GPC3: variants seen among roughly 807,000 people sequenced by gnomAD.
GPC3 encodes glypican 3.
A neutral mutation model predicts 34.4 loss-of-function variants in GPC3; 3 were observed. The observed-to-expected ratio is 0.09, with a 90% CI of 0.04 to 0.23. The LOEUF is 0.23. GPC3 is among the 10% of genes least tolerant of loss of function. The pLI is 1.00. For missense variants in GPC3, 351 were observed against 445.6 expected, an observed-to-expected ratio of 0.79 and a Z score of 1.91; for synonymous variants, 177 against 174.0, an observed-to-expected ratio of 1.02 and a Z score of -0.13.
At chrX:133,895,557 C>T (rs766367915) in intron 2 of GPC3, among the ~76,000 whole-genome samples, 1 of 111,320 alleles carries the variant, frequency 9.0e-6, no homozygotes, top group Non-Finnish European at 1.9e-5. Context: ...GGTAGCAGGG[C>T]CCTGATGACA....
In GPC3 at chrX:133,621,928, G is replaced by A. The variant is rs1030547101; in HGVS notation, c.1414-25329C>T. ...GAAGGGGCCAACTGACACCACGTAC[G>A]GCCAGGTGCCCCTCTGAGATGAAGC... On this transcript the variant is annotated intron_variant, in intron 6 of 7. Transcript: ENST00000370818. 5.4e-5 allele frequency among the ~76,000 whole-genome samples: 6 copies of A among 111,953 alleles called. No individual in the cohort carries two copies. The South Asian group carries it at 1.5e-3, about 28-fold the overall frequency.
intron 2 of GPC3, among the ~76,000 whole-genome samples, chrX:133,866,057 A>G (rs1158250575): frequency 8.9e-6 from 1 of 112,058 alleles, no homozygotes; most frequent in African/African-American, 3.3e-5. Flanking sequence ...TTCCAGACAC[A>G]ATCATCTGAA....
intron 1 of GPC3, among the ~76,000 whole-genome samples, chrX:133,963,999 C>T (rs1186133328): frequency 9.0e-6 from 1 of 110,805 alleles, no homozygotes; most frequent in Non-Finnish European, 1.9e-5. Flanking sequence ...CTGGTGACCC[C>T]CAGGGTTCCT....
At chrX:133,618,468 T>C (rs1300921566) in intron 6 of GPC3, among the ~76,000 whole-genome samples, 1 of 111,350 alleles carries the variant, frequency 9.0e-6, no homozygotes, top group Admixed American at 9.6e-5. Context: ...GTGGGAGACC[T>C]GGATATCACA....
At chrX:133,638,824 A>AAAAAAAAAAAAAAAAAAAAAAAAAAG (rs1556209000) in intron 6 of GPC3, among the ~76,000 whole-genome samples, 1 of 105,856 alleles carries the variant, frequency 9.4e-6, no homozygotes, top group African/African-American at 3.7e-5. Flanking sequence ...GATGAGCTAA[A>AAAAAAAAAAAAAAAAAAAAAAAAAAG]AAAAAAAAAA....
Position 133,888,576 on chromosome X carries a change from C to A in GPC3, c.337+64474G>T, listed in dbSNP as rs1414474813. 1.4e-4 allele frequency among the ~76,000 whole-genome samples: 16 copies of A among 112,181 alleles called. No homozygotes were observed. In the East Asian group the frequency reaches 4.2e-3, roughly 30 times the overall value. ...GCATTCCTATTTTTCCACAACCTCT[C>A]CAGCATCTGTTGTTTCCTGACTTTT... On this transcript the variant is annotated intron_variant, in intron 2 of 7. Coordinates refer to ENST00000370818, the MANE Select transcript of GPC3 (RefSeq NM_004484.4).
intron 2 of GPC3, among the ~76,000 whole-genome samples, chrX:133,763,952 CAA>C (rs1351719543): frequency 9.0e-6 from 1 of 111,420 alleles, no homozygotes; most frequent in Non-Finnish European, 1.9e-5. Context: ...ATCATTCTAC[CAA>C]AAAGACACAT....
chrX:133,822,863 T>C (rs1212441219), intron 2 of GPC3, among the ~76,000 whole-genome samples: 1 of 110,637 alleles, frequency 9.0e-6, no homozygotes, highest in African/African-American at 3.3e-5. Flanking sequence ...GCATGGTGGC[T>C]CATGCTTGTA....
At chrX:133,798,871 A>G (rs1215318897) in intron 2 of GPC3, among the ~76,000 whole-genome samples, 1 of 111,894 alleles carries the variant, frequency 8.9e-6, no homozygotes, top group Non-Finnish European at 1.9e-5. Context: ...ACAAAAGGGT[A>G]CTAGAAAGGG....
At chrX:133,977,822 A>C (rs1436800221) in intron 1 of GPC3, among the ~76,000 whole-genome samples, 1 of 112,501 alleles carries the variant, frequency 8.9e-6, no homozygotes, top group Admixed American at 9.4e-5. Context: ...ACTAATTGAA[A>C]GTTTGGCCTA....
chrX:133,567,268 T>C (rs773940302), intron 7 of GPC3, among the ~76,000 whole-genome samples: 1 of 112,170 alleles, frequency 8.9e-6, no homozygotes. Context: ...ATCTATGACA[T>C]AGTGTTGCAT....
At chrX:133,601,499 G>A (rs1477043329) in intron 6 of GPC3, among the ~76,000 whole-genome samples, 1 of 111,933 alleles carries the variant, frequency 8.9e-6, no homozygotes, top group Non-Finnish European at 1.9e-5. Context: ...GTTGTAATAA[G>A]TAAATATGAT....
At chrX:133,899,267 C>G (rs1192432523) in intron 2 of GPC3, among the ~76,000 whole-genome samples, 2 of 111,864 alleles carry the variant, frequency 1.8e-5, no homozygotes, top group African/African-American at 6.5e-5. Flanking sequence ...GGACACAGAG[C>G]TGGGTGTATA....
At chrX:133,696,001 A>C (rs997070534) in intron 4 of GPC3, among the ~76,000 whole-genome samples, 1 of 112,096 alleles carries the variant, frequency 8.9e-6, no homozygotes, top group Admixed American at 9.5e-5. Context: ...CAAGAACCTC[A>C]GAATTAAATA....
chrX:133,632,900 G>A (rs982050898), intron 6 of GPC3, among the ~76,000 whole-genome samples: 1 of 111,128 alleles, frequency 9.0e-6, no homozygotes, highest in Non-Finnish European at 1.9e-5. Flanking sequence ...GTGTGTGCAC[G>A]CATGCTGTAT....
intron 2 of GPC3, among the ~76,000 whole-genome samples, chrX:133,928,721 T>C (rs1401473430): frequency 8.9e-6 from 1 of 112,283 alleles, no homozygotes; most frequent in African/African-American, 3.2e-5. Context: ...CTGTTGGCTA[T>C]TTTTATGTCA....
intron 7 of GPC3, among the ~76,000 whole-genome samples, chrX:133,581,793 T>A (rs2069733780): frequency 9.0e-6 from 1 of 111,507 alleles, no homozygotes; most frequent in Non-Finnish European, 1.9e-5. Context: ...TCCAATGGAG[T>A]CAGAACTTCA....
chrX:133,931,684 T>C (rs761573932), intron 2 of GPC3, among the ~76,000 whole-genome samples: 144 of 111,797 alleles, frequency 1.3e-3, no homozygotes, highest in African/African-American at 4.5e-3. Flanking sequence ...ACTCTCACTA[T>C]TATTCCTGAT....
chrX:133,625,637 C>T (rs2070290994), intron 6 of GPC3, among the ~76,000 whole-genome samples: 1 of 111,632 alleles, frequency 9.0e-6, no homozygotes, highest in Admixed American at 9.5e-5. Context: ...TCAAGGAGAA[C>T]TACAAATCAC....
Sources: gnomAD v4.1 joint callset for allele counts (sites outside exome capture counted in the v4.1 genomes callset) on GRCh38, gnomAD v4.1.1 for gene constraint, MANE v1.5 for transcripts, NCBI Gene and HGNC (gene_info 2026-07-23, HGNC 2026-07-21) for gene names.